The following MREG variants were observed in gnomAD, a reference collection of about 807,000 sequenced individuals.
MREG encodes the protein melanoregulin.
MREG carries 31 observed loss-of-function variants against 28.5 expected under a neutral mutation model. The observed-to-expected ratio is 1.09, with a 90% confidence interval of 0.82 to 1.47. The LOEUF (loss-of-function observed/expected upper bound fraction) is 1.47, where lower values mean the gene tolerates loss of function less well. Among genes scored for constraint, MREG ranks in the 40% most tolerant of loss-of-function variants. The pLI, the probability that MREG is intolerant of heterozygous loss-of-function variation, is 0.00. For synonymous variants in MREG, 106 were observed against 95.2 expected, an observed-to-expected ratio of 1.11 and a Z score of -0.66; for missense variants, 256 against 257.4, an observed-to-expected ratio of 0.99 and a Z score of 0.04.
Position 215,968,902 on chromosome 2 carries a change from C to T in MREG, c.256-21789G>A, listed in dbSNP as rs116504009. On this transcript the variant is annotated intron_variant, in intron 2 of 4. Transcript: ENST00000263268. ...TCCAGAGTAGCTGGAGCTAAGGGTG[C>T]ACACCACCACGCCTGGCTAATTTTG... Among the ~76,000 whole-genome samples the T allele has an allele frequency of 9.8e-3, 1,492 of 152,194 alleles. 27 individuals carry two copies. Among genetic ancestry groups the T allele is most frequent in the African/African-American group, 0.034 (1,404 of 41,494 alleles).
chr2:215,940,035 G>A (rs1692179673), downstream of MREG, among the ~76,000 whole-genome samples: 1 of 152,058 alleles, frequency 6.6e-6, no homozygotes, highest in Admixed American at 6.5e-5. Context: ...TAGAACATAG[G>A]TGAGAAACAA....
chr2:216,006,363 C>A (rs1188803749), intron 1 of MREG, among the ~76,000 whole-genome samples: 1 of 152,236 alleles, frequency 6.6e-6, no homozygotes, highest in East Asian at 1.9e-4. Flanking sequence ...AGCACTCATG[C>A]ACCTCTGGCC....
At chr2:216,004,682 G>C (rs1037985835) in intron 1 of MREG, among the ~76,000 whole-genome samples, 1 of 152,196 alleles carries the variant, frequency 6.6e-6, no homozygotes, top group African/African-American at 2.4e-5. Flanking sequence ...GTATGACTCT[G>C]TGTCTTCAAG....
chr2:215,993,563 T>G lies in MREG; in HGVS notation c.255+2743A>C, dbSNP rs534340361. Among the ~76,000 whole-genome samples, 5 of 152,114 alleles carry G rather than the reference T, an allele frequency of 3.3e-5. No individual in the cohort carries two copies. In the East Asian group the frequency reaches 9.7e-4, roughly 29 times the overall value. ...AAACAATGGCAACAAAAGCCAAAAT[T>G]GACAAATGGGATTAAACTAAAGAGC... is the stretch of plus-strand genomic sequence containing the variant. On this transcript the variant is annotated intron_variant, in intron 2 of 4. Transcript: ENST00000263268.
intron 1 of MREG, among the ~76,000 whole-genome samples, chr2:216,024,579 T>C (rs181363429): frequency 1.3e-3 from 202 of 152,142 alleles, no homozygotes; most frequent in African/African-American, 4.5e-3. Flanking sequence ...TTCTTGCCTA[T>C]AGAAAATATA....
intron 2 of MREG, among the ~76,000 whole-genome samples, chr2:215,985,598 T>C (rs914777062): frequency 1.3e-5 from 2 of 151,888 alleles, no homozygotes; most frequent in Admixed American, 6.5e-5. Flanking sequence ...CTTCTATATA[T>C]ATTTTTTTCC....
At chr2:216,028,967 C>T (rs1438961432) in intron 1 of MREG, among the ~76,000 whole-genome samples, 2 of 151,960 alleles carry the variant, frequency 1.3e-5, no homozygotes, top group East Asian at 3.8e-4. Context: ...AAGAGAGACA[C>T]AGTTTTGGTT....
intron 2 of MREG, among the ~76,000 whole-genome samples, chr2:215,994,340 C>T (rs894392469): frequency 1.3e-5 from 2 of 151,578 alleles, no homozygotes; most frequent in African/African-American, 4.9e-5. Context: ...CATGTTCTCA[C>T]TCATAAGTGG....
chr2:215,998,198 G>A (rs185843555), intron 1 of MREG, among the ~76,000 whole-genome samples: 195 of 151,904 alleles, frequency 1.3e-3, no homozygotes, highest in African/African-American at 4.4e-3. Flanking sequence ...CCAGCTACTC[G>A]GGAGGCTGAG....
rs570497980 is a variant in MREG at position 215,946,964 on chromosome 2, T to G, written c.346+59A>C. The G allele has an allele frequency of 1.9e-5, 19 of 986,586 alleles. No individual in the cohort carries two copies. In the East Asian group the frequency reaches 4.4e-4, roughly 23 times the overall value. The allele number at this position is 986,586 out of a possible 1,614,324, so 61.1% of individuals were successfully genotyped here. A position where few individuals can be genotyped will look rare whatever the true frequency, so the allele number is the denominator to read the frequency against. ...TTTATAAAAACCATGGTGGAGAAATTGAAGAATAATGATCACAACGAGTTA... is the reference window on the plus strand; with the variant it reads ...TTTATAAAAACCATGGTGGAGAAATGGAAGAATAATGATCACAACGAGTTA... On this transcript the variant is annotated intron_variant, in intron 3 of 4. Transcript: ENST00000263268.
intron 2 of MREG, among the ~76,000 whole-genome samples, chr2:215,961,119 C>A (rs2372675): frequency 6.6e-6 from 1 of 152,156 alleles, no homozygotes; most frequent in East Asian, 1.9e-4. Flanking sequence ...CTTGGAGTAG[C>A]GGTTGGCAGG....
At chr2:215,966,073 A>C (rs1692929962) in intron 2 of MREG, among the ~76,000 whole-genome samples, 2 of 152,062 alleles carry the variant, frequency 1.3e-5, no homozygotes. Context: ...AGTTCTTTTA[A>C]AACTTAAAAG....
chr2:215,997,353 G>A (rs1384236584), intron 1 of MREG, among the ~76,000 whole-genome samples: 3 of 152,180 alleles, frequency 2.0e-5, no homozygotes, highest in Non-Finnish European at 4.4e-5. Flanking sequence ...CCTGGGTGTG[G>A]ACTTACAGAG....
chr2:215,970,087 C>A (rs572548144), intron 2 of MREG, among the ~76,000 whole-genome samples: 1 of 152,184 alleles, frequency 6.6e-6, no homozygotes, highest in Non-Finnish European at 1.5e-5. Context: ...CCCAGTACCT[C>A]AGAATGTGAC....
chr2:215,983,250 A>T (rs1693477180), intron 2 of MREG, among the ~76,000 whole-genome samples: 1 of 152,258 alleles, frequency 6.6e-6, no homozygotes. Flanking sequence ...TGGCCCCGAA[A>T]GAGTGGGCTT....
chr2:215,951,682 G>C (rs1307336503), intron 2 of MREG, among the ~76,000 whole-genome samples: 1 of 152,034 alleles, frequency 6.6e-6, no homozygotes, highest in Non-Finnish European at 1.5e-5. Flanking sequence ...TGAATTCTTG[G>C]GGTTTTTTTC....
chr2:215,941,446 T>G (rs1316585669), downstream of MREG, among the ~76,000 whole-genome samples: 2 of 152,204 alleles, frequency 1.3e-5, no homozygotes, highest in Non-Finnish European at 2.9e-5. Flanking sequence ...GTAGTGATAC[T>G]CTGGTCCTGA....
intron 3 of MREG, among the ~76,000 whole-genome samples, chr2:215,946,356 C>T (rs949415676): frequency 4.6e-5 from 7 of 151,880 alleles, no homozygotes; most frequent in Non-Finnish European, 8.8e-5. Flanking sequence ...TGGCCCCCCA[C>T]GCTTGAAAAG....
chr2:215,982,747 G>A (rs188483133), intron 2 of MREG, among the ~76,000 whole-genome samples: 3 of 152,236 alleles, frequency 2.0e-5, no homozygotes, highest in East Asian at 3.9e-4. Context: ...AGGTTTCTGG[G>A]TCACACCGAC....
Sources: allele counts gnomAD v4.1 joint callset (sites outside exome capture counted in the v4.1 genomes callset), GRCh38; gene constraint gnomAD v4.1.1; transcripts MANE v1.5; gene names NCBI Gene and HGNC (gene_info 2026-07-23, HGNC 2026-07-21).